Variants in CTNNA3 observed in about 807,000 individuals in gnomAD.
CTNNA3 encodes catenin alpha-3.
Under a neutral mutation model 95.7 loss-of-function variants are expected in CTNNA3, and 76 were observed. That is an observed-to-expected ratio of 0.79 (90% CI 0.66 to 0.96). The LOEUF (loss-of-function observed/expected upper bound fraction) is 0.96, where lower values mean the gene tolerates loss of function less well. Ranked by LOEUF, CTNNA3 falls within the 40% of genes least tolerant of loss-of-function variation. CTNNA3 has a pLI of 0.00. For missense variants in CTNNA3, 1,191 were observed against 1,089.8 expected (o/e 1.09, Z -1.31); for synonymous variants, 431 against 374.4 (o/e 1.15, Z -1.74).
rs1705579033 is a variant in CTNNA3, at chr10:66,766,143, G to A, written c.1281+121C>T. ...ATACACCTTCATATTACTTTGGCCA[G>A]ACTCTGCTGTATTTGTAACACGGTG... On this transcript the variant is annotated intron_variant, in intron 9 of 17. Coordinates refer to ENST00000433211, the MANE Select transcript of CTNNA3 (RefSeq NM_013266.4). 3 of 923,594 alleles carry A rather than the reference G, an allele frequency of 3.2e-6. No homozygotes were observed. The Admixed American group carries it at 6.3e-5, about 20-fold the overall frequency. 57.2% of individuals were successfully genotyped at this position (923,594 alleles called of 1,614,324 possible). A position where few individuals can be genotyped will look rare whatever the true frequency, so the allele number is the denominator to read the frequency against.
At chr10:66,063,223 TATAGATAG>T (rs34448730) in intron 15 of CTNNA3, among the ~76,000 whole-genome samples, 54 of 117,734 alleles carry the variant, frequency 4.6e-4, no homozygotes, top group Admixed American at 1.3e-3. Context: ...TAGATATAGA[TATAGATAG>T]ATAGATAGAT....
intron 7 of CTNNA3, among the ~76,000 whole-genome samples, chr10:67,084,336 T>C (rs1589715982): frequency 1.3e-5 from 2 of 152,064 alleles, no homozygotes; most frequent in East Asian, 3.9e-4. Context: ...GATGCTCCTG[T>C]TGGGCAACAG....
At chr10:67,146,426 C>A (rs1038636136) in intron 7 of CTNNA3, among the ~76,000 whole-genome samples, 1 of 152,158 alleles carries the variant, frequency 6.6e-6, no homozygotes, top group Non-Finnish European at 1.5e-5. Flanking sequence ...ATTCTCCTTG[C>A]TTCAGGAATC....
At chr10:66,613,048 G>A (rs1390925159) in intron 10 of CTNNA3, among the ~76,000 whole-genome samples, 1 of 152,028 alleles carries the variant, frequency 6.6e-6, no homozygotes, top group Non-Finnish European at 1.5e-5. Flanking sequence ...GATCCTTTAT[G>A]TTAATGTGCT....
intron 7 of CTNNA3, among the ~76,000 whole-genome samples, chr10:66,959,618 C>T (rs936800648): frequency 2.0e-5 from 3 of 152,192 alleles, no homozygotes; most frequent in Non-Finnish European, 2.9e-5. Context: ...TCTACAACTA[C>T]TTTCAGGTCT....
intron 13 of CTNNA3, among the ~76,000 whole-genome samples, chr10:66,204,764 G>C (rs773074241): frequency 1.1e-4 from 17 of 152,156 alleles, no homozygotes; most frequent in Non-Finnish European, 2.1e-4. Context: ...ACTAGTCTGA[G>C]TACAGGAACT....
In CTNNA3 at chr10:67,601,039, C is replaced by G. The variant is rs569513472; in HGVS notation, c.292+5818G>C. Among the ~76,000 whole-genome samples, 3 of 152,232 alleles carry G rather than the reference C, an allele frequency of 2.0e-5. No individual in the cohort carries two copies. The South Asian group carries it at 6.2e-4, about 32-fold the overall frequency. ...AGTAGCTGGTAGCGGGGACAAGGGGCCCTCTTAGGGTTCTAATAATATTCT... is the reference window on the plus strand; with the variant it reads ...AGTAGCTGGTAGCGGGGACAAGGGGGCCTCTTAGGGTTCTAATAATATTCT... On this transcript the variant is annotated intron_variant, in intron 3 of 17. Coordinates refer to ENST00000433211, the MANE Select transcript of CTNNA3 (RefSeq NM_013266.4).
intron 11 of CTNNA3, among the ~76,000 whole-genome samples, chr10:66,428,004 A>T (rs1245050899): frequency 6.6e-6 from 1 of 152,064 alleles, no homozygotes; most frequent in Non-Finnish European, 1.5e-5. Flanking sequence ...TATTCAGGAA[A>T]CCCATCTCAC....
intron 15 of CTNNA3, among the ~76,000 whole-genome samples, chr10:66,002,969 A>T (rs2078799843): frequency 1.3e-5 from 2 of 152,202 alleles, no homozygotes; most frequent in South Asian, 4.1e-4. Flanking sequence ...CATTTCAGCA[A>T]CAAAAGGCTG....
intron 4 of CTNNA3, among the ~76,000 whole-genome samples, chr10:67,525,874 C>T (rs1045067379): frequency 6.6e-6 from 1 of 152,142 alleles, no homozygotes; most frequent in East Asian, 1.9e-4. Context: ...ATATTTCATG[C>T]ATTTATACGA....
chr10:66,195,356 A>G (rs12780978), intron 13 of CTNNA3, among the ~76,000 whole-genome samples: 13,031 of 152,252 alleles, frequency 0.086, 623 homozygotes, highest in Admixed American at 0.12. Context: ...ATAAATAGGA[A>G]AGGAAAGATT....
intron 5 of CTNNA3, among the ~76,000 whole-genome samples, chr10:67,409,435 G>A (rs1845281279): frequency 6.6e-6 from 1 of 152,120 alleles, no homozygotes; most frequent in Non-Finnish European, 1.5e-5. Context: ...GTCCTTTGCA[G>A]GAACATGGAT....
chr10:66,091,466 T>C (rs1388106425), intron 14 of CTNNA3, among the ~76,000 whole-genome samples: 2 of 151,878 alleles, frequency 1.3e-5, no homozygotes, highest in Non-Finnish European at 2.9e-5. Flanking sequence ...ATTTATTGAC[T>C]CAATAAATAT....
At chr10:66,143,596 T>A (rs12098716) in intron 13 of CTNNA3, among the ~76,000 whole-genome samples, 4,940 of 152,256 alleles carry the variant, frequency 0.032, 282 homozygotes, top group African/African-American at 0.11. Flanking sequence ...TACAATAACT[T>A]AAACAGAGAT....
chr10:66,408,497 A>T (rs2093075225), intron 11 of CTNNA3, among the ~76,000 whole-genome samples: 1 of 152,160 alleles, frequency 6.6e-6, no homozygotes, highest in Non-Finnish European at 1.5e-5. Flanking sequence ...GTAGACAAAT[A>T]TTCTCTTCAG....
At chr10:66,749,202 CAAAAAAAAA>C (rs35568730) in intron 9 of CTNNA3, among the ~76,000 whole-genome samples, 20 of 50,890 alleles carry the variant, frequency 3.9e-4, no homozygotes, top group East Asian at 1.6e-3. Context: ...AACTCCAACT[CAAAAAAAAA>C]AAAAAAAAAA....
At chr10:66,609,552 T>C (rs933540284) in intron 10 of CTNNA3, among the ~76,000 whole-genome samples, 1 of 151,428 alleles carries the variant, frequency 6.6e-6, no homozygotes, top group African/African-American at 2.4e-5. Flanking sequence ...CACAATCAAA[T>C]GCTATCTCAC....
chr10:66,553,986 A>G (rs1197371972), intron 10 of CTNNA3, among the ~76,000 whole-genome samples: 1 of 152,032 alleles, frequency 6.6e-6, no homozygotes, highest in Non-Finnish European at 1.5e-5. Context: ...TTATTGTGTC[A>G]CTGCTCATTT....
intron 7 of CTNNA3, among the ~76,000 whole-genome samples, chr10:66,857,019 C>G (rs1460481826): frequency 3.3e-5 from 5 of 151,852 alleles, no homozygotes. Context: ...GGTAATCAGC[C>G]AGGGTTTTTG....
Sources: allele counts gnomAD v4.1 joint callset (sites outside exome capture counted in the v4.1 genomes callset), GRCh38; gene constraint gnomAD v4.1.1; transcripts MANE v1.5; gene names NCBI Gene and HGNC (gene_info 2026-07-23, HGNC 2026-07-21).